Variants in CTNNA2 observed in about 807,000 individuals in gnomAD.
CTNNA2 encodes the protein catenin alpha-2.
CTNNA2 carries 42 observed loss-of-function variants against 101.0 expected under a neutral mutation model. The observed-to-expected ratio is 0.42, with a 90% CI of 0.32 to 0.54. The LOEUF is 0.54. Ranked by LOEUF, CTNNA2 falls within the 20% of genes least tolerant of loss-of-function variation. The pLI is 0.14. For synonymous variants in CTNNA2, 450 were observed against 456.4 expected (o/e 0.99, Z 0.18); for missense variants, 871 against 1,223.1 (o/e 0.71, Z 4.29).
chr2:79,377,748 G>A (rs539418806), intron 4 of CTNNA2, among the ~76,000 whole-genome samples: 22 of 152,218 alleles, frequency 1.4e-4, no homozygotes, highest in African/African-American at 3.4e-4. Flanking sequence ...ATAGCATCTA[G>A]CCAGGCTTTT....
chr2:80,392,806 T>G (rs1024365000), intron 7 of CTNNA2, among the ~76,000 whole-genome samples: 1 of 152,240 alleles, frequency 6.6e-6, no homozygotes, highest in African/African-American at 2.4e-5. Flanking sequence ...CTTAAAATCT[T>G]TTTCGATTTA....
chr2:79,825,697 A>T (rs1678383260), intron 3 of CTNNA2, among the ~76,000 whole-genome samples: 1 of 152,128 alleles, frequency 6.6e-6, no homozygotes, highest in Non-Finnish European at 1.5e-5. Context: ...AGAACTGGAG[A>T]TCTAAATTTA....
intron 15 of CTNNA2, among the ~76,000 whole-genome samples, chr2:80,599,623 A>G (rs907400947): frequency 4.6e-5 from 7 of 152,074 alleles, no homozygotes; most frequent in Admixed American, 1.3e-4. Context: ...CTTTGTGCTC[A>G]TTTAAAGAAA....
rs1437612311 is a variant in CTNNA2 at position 79,353,116 on chromosome 2, A to G, written c.-317-20715A>G. On this transcript the variant is annotated intron_variant, in intron 3 of 21. Transcript: ENST00000466387. ...GTCCAACACTGGATTGCAATTCAAC[A>G]TGAGATTTGGGTGGGGAGACAGAGC... 3.3e-5 allele frequency among the ~76,000 whole-genome samples: 5 copies of G among 152,324 alleles called. No homozygotes were observed. The East Asian group carries it at 9.7e-4, about 29-fold the overall frequency.
chr2:80,344,560 C>G (rs1309763121), intron 7 of CTNNA2, among the ~76,000 whole-genome samples: 1 of 152,166 alleles, frequency 6.6e-6, no homozygotes, highest in Admixed American at 6.5e-5. Flanking sequence ...TCTTGGCTCA[C>G]TGAAGCCTCG....
intron 2 of CTNNA2, among the ~76,000 whole-genome samples, chr2:79,237,173 T>C (rs745819435): frequency 1.3e-5 from 2 of 152,228 alleles, no homozygotes; most frequent in Non-Finnish European, 2.9e-5. Context: ...GACTGCAGAA[T>C]GGATGTTGTG....
At chr2:79,727,663 G>A (rs13011422) in intron 2 of CTNNA2, among the ~76,000 whole-genome samples, 23,106 of 150,418 alleles carry the variant, frequency 0.15, 2,145 homozygotes, top group Non-Finnish European at 0.21. Flanking sequence ...TGCCATGCTG[G>A]TGTCCTGCAC....
At position 79,647,474 on chromosome 2, in the gene CTNNA2, C is replaced by G. The variant is rs1049456486; in HGVS notation, c.-5-4078C>G. Among the ~76,000 whole-genome samples the G allele has an allele frequency of 5.9e-5, 9 of 152,170 alleles. No individual in the cohort carries two copies. In the East Asian group the frequency reaches 1.7e-3, roughly 29 times the overall value. ...GACTCAGAAAGGGCAGGCAATTGAACAGTATCACAGAGCTAATAAATTGCA... is the reference window on the plus strand; with the variant it reads ...GACTCAGAAAGGGCAGGCAATTGAAGAGTATCACAGAGCTAATAAATTGCA... On this transcript the variant is annotated intron_variant, in intron 1 of 18. Coordinates refer to ENST00000402739, the MANE Select transcript of CTNNA2 (RefSeq NM_001282597.3).
intron 7 of CTNNA2, among the ~76,000 whole-genome samples, chr2:80,349,531 C>T (rs1004955881): frequency 6.6e-6 from 1 of 152,082 alleles, no homozygotes; most frequent in African/African-American, 2.4e-5. Context: ...GAGTAATATG[C>T]AGAAGCAGAG....
intron 2 of CTNNA2, among the ~76,000 whole-genome samples, chr2:79,268,509 CTAAT>C (rs950826227): frequency 6.6e-6 from 1 of 152,094 alleles, no homozygotes; most frequent in African/African-American, 2.4e-5. Flanking sequence ...GCTGCTCACA[CTAAT>C]TAATTATAAC....
chr2:79,408,531 A>T lies in CTNNA2; in HGVS notation c.-135+34518A>T, dbSNP rs779382729. 6.3e-4 allele frequency among the ~76,000 whole-genome samples: 89 copies of T among 141,076 alleles called. No individual in the cohort carries two copies. The Middle Eastern group carries it at 0.012, about 19-fold the overall frequency. The allele number at this position is 141,076 out of a possible 152,430, so 92.6% of individuals were successfully genotyped here. The stretch of plus-strand genomic sequence containing the variant: ...CATGTGCTCTCATTGTTCAATTCCC[A>T]CCTATGAGTGAGAACATGCGGTATT... On this transcript the variant is annotated intron_variant, in intron 4 of 21. Transcript: ENST00000466387.
At chr2:79,449,126 G>T (rs992080392) in intron 4 of CTNNA2, among the ~76,000 whole-genome samples, 10 of 151,998 alleles carry the variant, frequency 6.6e-5, no homozygotes, top group African/African-American at 2.2e-4. Context: ...CCAAAAAGGG[G>T]TTTTAAAATG....
chr2:79,444,104 T>G (rs1678805574), intron 4 of CTNNA2, among the ~76,000 whole-genome samples: 1 of 152,014 alleles, frequency 6.6e-6, no homozygotes, highest in Non-Finnish European at 1.5e-5. Flanking sequence ...AGTTGAGCCT[T>G]CAGATGAGAC....
chr2:80,305,413 G>A (rs1256145429), intron 7 of CTNNA2: 2 of 979,364 alleles, frequency 2.0e-6, no homozygotes, highest in East Asian at 2.3e-4. Context: ...GTGGATTAAA[G>A]AACGATTGTA....
chr2:79,308,231 A>T (rs907346488), intron 2 of CTNNA2, among the ~76,000 whole-genome samples: 1 of 152,046 alleles, frequency 6.6e-6, no homozygotes, highest in African/African-American at 2.4e-5. Flanking sequence ...TTTTCTGCAG[A>T]GACAGGGTTT....
chr2:80,183,087 G>A (rs1705883006), intron 7 of CTNNA2, among the ~76,000 whole-genome samples: 1 of 152,074 alleles, frequency 6.6e-6, no homozygotes, highest in Non-Finnish European at 1.5e-5. Flanking sequence ...GGTATTCCTG[G>A]TATTATTCCT....
At chr2:80,178,159 T>G (rs533242792) in intron 7 of CTNNA2, among the ~76,000 whole-genome samples, 1 of 152,356 alleles carries the variant, frequency 6.6e-6, no homozygotes, top group African/African-American at 2.4e-5. Context: ...CATGGGCATC[T>G]GAGCCATTTC....
chr2:79,210,981 C>A lies in CTNNA2; in HGVS notation c.-406+12905C>A, dbSNP rs1674164998. The stretch of plus-strand genomic sequence containing the variant: ...CTCTTCAATAGCTTTATTTTCTCCC[C>A]ACAAACACTAGAGGCTCTGCTTCCA... On this transcript the variant is annotated intron_variant, in intron 2 of 21. Transcript: ENST00000466387. Among the ~76,000 whole-genome samples, 3 of 152,228 alleles carry A rather than the reference C, an allele frequency of 2.0e-5. No individual in the cohort carries two copies. The South Asian group carries it at 6.2e-4, about 32-fold the overall frequency.
intron 9 of CTNNA2, among the ~76,000 whole-genome samples, chr2:80,439,509 C>T (rs192941013): frequency 1.8e-4 from 27 of 152,246 alleles, no homozygotes; most frequent in Admixed American, 9.8e-4. Flanking sequence ...AGCAATTCTC[C>T]TGTCTCAGCC....
Sources: gnomAD v4.1 joint callset for allele counts (sites outside exome capture counted in the v4.1 genomes callset) on GRCh38, gnomAD v4.1.1 for gene constraint, MANE v1.5 for transcripts, NCBI Gene and HGNC (gene_info 2026-07-23, HGNC 2026-07-21) for gene names.